TRPS1: variants seen among roughly 807,000 people sequenced by gnomAD.
The protein encoded by TRPS1 is transcriptional repressor GATA binding 1.
A neutral mutation model predicts 101.2 loss-of-function variants in TRPS1; 6 were observed. That is an observed-to-expected ratio of 0.06 (90% CI 0.03 to 0.12). The LOEUF is 0.12. TRPS1 is among the 10% of genes least tolerant of loss of function. The pLI, the probability that TRPS1 is intolerant of heterozygous loss-of-function variation, is 1.00. For missense variants in TRPS1, 1,363 were observed against 1,567.0 expected (o/e 0.87, Z 2.20); for synonymous variants, 578 against 589.8 (o/e 0.98, Z 0.29).
At position 115,619,356 on chromosome 8, in the gene TRPS1, C is replaced by T. The variant is rs763013947; in HGVS notation, c.742G>A (p.Asp248Asn). Residue 248 changes from aspartate (D) to asparagine (N), a missense_variant, in exon 3 of 7, where the codon GAC (aspartate) becomes AAC (asparagine). Coordinates refer to ENST00000395715, the MANE Select transcript of TRPS1 (RefSeq NM_014112.5). ...AAGTGCTTAATCAGATCTGTGGGGT[C>T]GTTGCCGTAGTAACCATATCCACAG... ...NICGYGYYGN[D>N]PTDLIKHFRK... is the part of the protein sequence containing the mutation. 1.1e-5 allele frequency: 17 copies of T among 1,614,078 alleles called. No individual in the cohort carries two copies. Among genetic ancestry groups the T allele is most frequent in the Non-Finnish European group, 1.3e-5 (15 of 1,180,054 alleles).
intron 5 of TRPS1, among the ~76,000 whole-genome samples, chr8:115,435,247 CTGGATGT>C (rs1813419895): frequency 6.6e-6 from 1 of 152,158 alleles, no homozygotes; most frequent in Non-Finnish European, 1.5e-5. Flanking sequence ...ATCTACTTTC[CTGGATGT>C]CAATCGCATT....
chr8:115,551,119 C>T (rs1291525194), intron 5 of TRPS1, among the ~76,000 whole-genome samples: 1 of 152,112 alleles, frequency 6.6e-6, no homozygotes, highest in Non-Finnish European at 1.5e-5. Flanking sequence ...AGTAAAAAGG[C>T]CACTTCACCA....
intron 5 of TRPS1, among the ~76,000 whole-genome samples, chr8:115,501,919 C>T (rs1421842956): frequency 6.6e-6 from 1 of 152,044 alleles, no homozygotes; most frequent in African/African-American, 2.4e-5. Context: ...TCCAGTCCAT[C>T]TTCATTGCCA....
chr8:115,418,464 GA>G lies in TRPS1; in HGVS notation c.2701-13del, dbSNP rs754887666. On this transcript the variant is annotated splice_polypyrimidine_tract_variant and intron_variant, in intron 5 of 6. Coordinates refer to ENST00000395715, the MANE Select transcript of TRPS1 (RefSeq NM_014112.5). This position sits in a 1 kb window ranked among gnomAD's most constrained non-coding sequence, Gnocchi z 4.3. ...GAGCCTCTACGCCTCTGAAACAGGG[GA>G]AAAAAACCAAGGTCAGAGGTGAGTC... is the stretch of plus-strand genomic sequence containing the variant. The G allele has an allele frequency of 6.2e-6, 10 of 1,613,860 alleles. No individual in the cohort carries two copies. Among genetic ancestry groups the G allele is most frequent in the Admixed American group, 3.3e-5 (2 of 59,988 alleles).
chr8:115,492,457 CTGTG>C (rs72046761), intron 5 of TRPS1, among the ~76,000 whole-genome samples: 101 of 145,030 alleles, frequency 7.0e-4, no homozygotes, highest in African/African-American at 8.7e-4. Context: ...GTGCCAAGCA[CTGTG>C]TGTGTGTGTG....
chr8:115,649,619 A>G (rs1811513751), intron 1 of TRPS1, among the ~76,000 whole-genome samples: 1 of 152,212 alleles, frequency 6.6e-6, no homozygotes. Flanking sequence ...TCCCTGGTCA[A>G]CCTAGCTCAC....
At chr8:115,546,498 T>A (rs186108666) in intron 5 of TRPS1, among the ~76,000 whole-genome samples, 13 of 151,988 alleles carry the variant, frequency 8.6e-5, no homozygotes, top group Non-Finnish European at 1.5e-5. Flanking sequence ...CATGTTCTTA[T>A]CCTTAGTGTT....
chr8:115,600,521 CTA>C (rs1043931717), intron 4 of TRPS1, among the ~76,000 whole-genome samples: 11 of 152,146 alleles, frequency 7.2e-5, no homozygotes, highest in Non-Finnish European at 1.0e-4. Context: ...CCCCTTCTCT[CTA>C]TGAGTAACTC....
At chr8:115,431,379 T>C (rs1037821441) in intron 5 of TRPS1, among the ~76,000 whole-genome samples, 5 of 152,050 alleles carry the variant, frequency 3.3e-5, no homozygotes, top group African/African-American at 1.2e-4. Context: ...AGAAAATGTA[T>C]TAATGGTGAC....
chr8:115,420,302 A>G (rs1813021635), intron 5 of TRPS1, among the ~76,000 whole-genome samples: 1 of 152,328 alleles, frequency 6.6e-6, no homozygotes, highest in African/African-American at 2.4e-5. Context: ...TCAATGAACT[A>G]TTAGAAGTTG....
chr8:115,600,825 G>A (rs945360348), intron 4 of TRPS1, among the ~76,000 whole-genome samples: 2 of 152,132 alleles, frequency 1.3e-5, no homozygotes, highest in Middle Eastern at 3.4e-3. Context: ...AGTTAATAGA[G>A]AGCAGGTACA....
chr8:115,527,490 C>T (rs1035179283), intron 5 of TRPS1, among the ~76,000 whole-genome samples: 3 of 151,650 alleles, frequency 2.0e-5, no homozygotes, highest in Non-Finnish European at 2.9e-5. Flanking sequence ...ATCTTTCATA[C>T]TGAGTTCATA....
At chr8:115,615,259 A>G (rs138617864) in intron 3 of TRPS1, among the ~76,000 whole-genome samples, 28 of 152,342 alleles carry the variant, frequency 1.8e-4, no homozygotes, top group Middle Eastern at 3.4e-3. Context: ...TAAGCATCTG[A>G]ACTTGGGATA....
At chr8:115,495,978 T>C (rs1028310075) in intron 5 of TRPS1, among the ~76,000 whole-genome samples, 5 of 152,100 alleles carry the variant, frequency 3.3e-5, no homozygotes, top group African/African-American at 1.2e-4. Flanking sequence ...AATTGTCACT[T>C]TATATTAAAG....
chr8:115,473,819 G>A (rs1353077576), intron 5 of TRPS1, among the ~76,000 whole-genome samples: 1 of 152,092 alleles, frequency 6.6e-6, no homozygotes, highest in African/African-American at 2.4e-5. Context: ...ATAAAAACAT[G>A]GCATTTTCCA....
chr8:115,584,575 A>C lies in TRPS1; in HGVS notation c.2700+2426T>G, dbSNP rs567118037. ...TAATAACTATGCCTCTGAAACTATAAACTTATAGTACTTTTTTTTTGGCCT... is the reference window on the plus strand; with the variant it reads ...TAATAACTATGCCTCTGAAACTATACACTTATAGTACTTTTTTTTTGGCCT... On this transcript the variant is annotated intron_variant, in intron 5 of 6. Transcript: ENST00000395715. Among the ~76,000 whole-genome samples the C allele has an allele frequency of 2.6e-5, 4 of 151,794 alleles. No individual in the cohort carries two copies. The East Asian group carries it at 7.7e-4, about 29-fold the overall frequency.
At chr8:115,507,528 G>A (rs997133725) in intron 5 of TRPS1, among the ~76,000 whole-genome samples, 2 of 149,994 alleles carry the variant, frequency 1.3e-5, no homozygotes, top group African/African-American at 4.9e-5. Flanking sequence ...TTACAGAGAA[G>A]CACAGAAACG....
At chr8:115,555,231 C>T (rs76816123) in intron 5 of TRPS1, among the ~76,000 whole-genome samples, 5 of 152,108 alleles carry the variant, frequency 3.3e-5, no homozygotes, top group African/African-American at 9.7e-5. Context: ...CTGCTAACTT[C>T]GCTCTTAGAA....
chr8:115,526,518 C>G (rs115117916), intron 5 of TRPS1, among the ~76,000 whole-genome samples: 6 of 152,110 alleles, frequency 3.9e-5, no homozygotes, highest in Admixed American at 3.9e-4. Context: ...CAATATAATA[C>G]ATCTACAATT....
Sources: allele counts gnomAD v4.1 joint callset (sites outside exome capture counted in the v4.1 genomes callset), GRCh38; gene constraint gnomAD v4.1.1; non-coding constraint Gnocchi (gnomAD v3.1); transcripts MANE v1.5; gene names NCBI Gene and HGNC (gene_info 2026-07-23, HGNC 2026-07-21).